CAMK2G: variants seen among roughly 807,000 people sequenced by gnomAD.
CAMK2G encodes the protein calcium/calmodulin dependent protein kinase II gamma.
Under a neutral mutation model 88.7 loss-of-function variants are expected in CAMK2G, and 23 were observed. The observed-to-expected ratio is 0.26, with a 90% confidence interval of 0.19 to 0.37. The LOEUF (loss-of-function observed/expected upper bound fraction) is 0.37, where lower values mean the gene tolerates loss of function less well. Ranked by LOEUF, CAMK2G falls within the 10% of genes least tolerant of loss-of-function variation. CAMK2G has a pLI of 1.00. For missense variants in CAMK2G, 476 were observed against 780.8 expected, an observed-to-expected ratio of 0.61 and a Z score of 4.65; for synonymous variants, 263 against 294.8, an observed-to-expected ratio of 0.89 and a Z score of 1.11.
chr10:73,823,583 T>C (rs1364302063), intron 17 of CAMK2G, among the ~76,000 whole-genome samples: 1 of 152,130 alleles, frequency 6.6e-6, no homozygotes, highest in Non-Finnish European at 1.5e-5. Context: ...AACAGATAAT[T>C]TGTCTTGTCA....
chr10:73,872,218 A>C (rs1443404275), intron 2 of CAMK2G, among the ~76,000 whole-genome samples: 1 of 152,214 alleles, frequency 6.6e-6, no homozygotes, highest in Non-Finnish European at 1.5e-5. Flanking sequence ...TCAAGGTGTG[A>C]AAGACAGGCC....
rs370848605 is a variant in CAMK2G at position 73,815,060 on chromosome 10, A to G, written c.1722T>C (p.Asn574=). Residue 574 remains asparagine (N), a synonymous_variant, in exon 22 of 23, where the codon AAT becomes AAC. Transcript: ENST00000423381. The stretch of plus-strand genomic sequence containing the variant: ...GGGCCCCTGAGCAGTGATAGTGGAC[A>G]TTGAGCCACTTGCCATCCCGACGGT... ...VWHRRDGKWL[N]VHYHCSGAPA... 4.9e-5 allele frequency: 79 copies of G among 1,614,086 alleles called. No homozygotes were observed. The highest frequency in any genetic ancestry group is 4.2e-5 in the Non-Finnish European group (49 of 1,180,008).
At chr10:73,867,264 C>G (rs901189926) in intron 2 of CAMK2G, among the ~76,000 whole-genome samples, 1 of 152,202 alleles carries the variant, frequency 6.6e-6, no homozygotes, top group Non-Finnish European at 1.5e-5. Flanking sequence ...TGCCCTATAG[C>G]GAAAAGGCCC....
At chr10:73,819,724 C>G in intron 18 of CAMK2G, 79 bp from the exon 19 acceptor site, 1 of 858,448 alleles carries the variant, frequency 1.2e-6, no homozygotes, top group Non-Finnish European at 1.8e-6. Context: ...AGCGAGCAAG[C>G]CAGACAGGCC....
In CAMK2G at chr10:73,828,082, G is replaced by A; in HGVS notation, c.1086+7C>T. The A allele has an allele frequency of 1.9e-6, 3 of 1,612,346 alleles. No individual in the cohort carries two copies. The highest frequency in any genetic ancestry group is 2.5e-6 in the Non-Finnish European group (3 of 1,178,366). ...GAGTGGGCGATGGGTGGGCAGGCAA[G>A]GCTCACCATTAGGTGCACGCTGGAA... On this transcript the variant is annotated splice_region_variant and intron_variant, in intron 15 of 22. Transcript: ENST00000423381.
chr10:73,828,643 G>A (rs1421781974), intron 14 of CAMK2G, among the ~76,000 whole-genome samples: 1 of 152,222 alleles, frequency 6.6e-6, no homozygotes, highest in Non-Finnish European at 1.5e-5. Flanking sequence ...ACATAAAGAT[G>A]CTGAGCTTTT....
chr10:73,842,510 C>A lies in CAMK2G; in HGVS notation c.851G>T (p.Arg284Leu). Residue 284 changes from arginine (R) to leucine (L), a missense_variant, in exon 11 of 23, where the codon CGT becomes CTT. Physicochemically the swap from Arg to Leu is moderately radical, Grantham distance 102 (BLOSUM62 -2). This residue lies in a region of CAMK2G where 164 missense variants were observed against 385.6 expected (regional missense o/e 0.43). Transcript: ENST00000423381. This position sits in a 1 kb window ranked among gnomAD's most constrained non-coding sequence, Gnocchi z 4.6. Reference sequence around the variant, plus strand: ...GCGCAAACACTCCACAGTCTCCTGACGATGCATCATGGATGCCACCGTGGA... The same window carrying A: ...GCGCAAACACTCCACAGTCTCCTGAAGATGCATCATGGATGCCACCGTGGA... Reference protein sequence around the residue: ...QRSTVASMMHRQETVECLRKF... With the variant: ...QRSTVASMMHLQETVECLRKF... 1 of 1,613,882 alleles carries A rather than the reference C, an allele frequency of 6.2e-7. No individual in the cohort carries two copies. Among genetic ancestry groups the A allele is most frequent in the Non-Finnish European group, 8.5e-7 (1 of 1,179,784 alleles).
intron 2 of CAMK2G, 42 bp from the exon 3 acceptor site, chr10:73,860,931 T>G (rs936242637): frequency 7.0e-7 from 1 of 1,428,010 alleles, no homozygotes; most frequent in Middle Eastern, 1.7e-4. Flanking sequence ...CAACCATCCA[T>G]TCTCCTTGTG....
intron 3 of CAMK2G, among the ~76,000 whole-genome samples, chr10:73,854,402 A>G (rs1483041565): frequency 6.6e-6 from 1 of 151,340 alleles, no homozygotes; most frequent in Non-Finnish European, 1.5e-5. Context: ...TTAAATGCCA[A>G]CCCCTGAGCA....
At chr10:73,847,886 G>A (rs1590786920) in intron 9 of CAMK2G, 102 bp downstream of exon 9, 1 of 596,022 alleles carries the variant, frequency 1.7e-6, no homozygotes, top group Non-Finnish European at 2.8e-6. Flanking sequence ...TGACACCCCC[G>A]TATCACGTGA....
In CAMK2G at chr10:73,848,962, AAG is replaced by A. The variant is rs1401659639; in HGVS notation, c.517+49_517+50del. On this transcript the variant is annotated intron_variant, in intron 7 of 22. Transcript: ENST00000423381. This position sits in a 1 kb window ranked among gnomAD's most constrained non-coding sequence, Gnocchi z 4.5. Reference sequence around the variant, plus strand: ...TTCTAATAGAGGAAGGCAGATCAGGAAGAGGAGGAAGGGCGGGGGCTGCATTC... The same window carrying A: ...TTCTAATAGAGGAAGGCAGATCAGGAAGGAGGAAGGGCGGGGGCTGCATTC... 2.7e-6 allele frequency: 3 copies of A among 1,129,310 alleles called. No homozygotes were observed. In the African/African-American group the frequency reaches 4.6e-5, roughly 17 times the overall value. The allele number at this position is 1,129,310 out of a possible 1,614,324, so 70.0% of individuals were successfully genotyped here.
At chr10:73,818,814 G>A (rs1329722585) in intron 19 of CAMK2G, 1 of 456,320 alleles carries the variant, frequency 2.2e-6, no homozygotes, top group Non-Finnish European at 4.4e-6. Context: ...CACGGGCGAA[G>A]AGGGTTGTGC....
chr10:73,866,969 CAA>C (rs2095619247), intron 2 of CAMK2G, among the ~76,000 whole-genome samples: 1 of 152,188 alleles, frequency 6.6e-6, no homozygotes, highest in Non-Finnish European at 1.5e-5. Flanking sequence ...TCTAAAGATG[CAA>C]AGAGTCTCCA....
At chr10:73,850,168 G>A (rs935502836) in intron 5 of CAMK2G, among the ~76,000 whole-genome samples, 1 of 152,072 alleles carries the variant, frequency 6.6e-6, no homozygotes, top group African/African-American at 2.4e-5. Flanking sequence ...GCTAATTTTT[G>A]TATTTTTTTG....
intron 14 of CAMK2G, among the ~76,000 whole-genome samples, chr10:73,832,949 C>CT (rs1016526122): frequency 2.8e-5 from 4 of 144,562 alleles, no homozygotes; most frequent in African/African-American, 9.9e-5. Context: ...TGTCTCCAAT[C>CT]TTTTTTTTCT....
At chr10:73,858,855 T>C (rs1215149590) in intron 3 of CAMK2G, among the ~76,000 whole-genome samples, 1 of 152,244 alleles carries the variant, frequency 6.6e-6, no homozygotes, top group Non-Finnish European at 1.5e-5. Context: ...TTGTCCTTCC[T>C]GCTCATTTCT....
intron 22 of CAMK2G, chr10:73,814,714 A>G (rs1304040489): frequency 7.6e-6 from 3 of 395,826 alleles, no homozygotes; most frequent in South Asian, 3.8e-5. Context: ...AATCCTCACA[A>G]TGATTAAATG....
At chr10:73,861,336 A>G (rs563697664) in intron 2 of CAMK2G, among the ~76,000 whole-genome samples, 11 of 152,228 alleles carry the variant, frequency 7.2e-5, no homozygotes, top group African/African-American at 1.9e-4. Context: ...ACAGGGTTTC[A>G]GTGGTCCAGG....
chr10:73,817,735 T>A (rs2086181696), intron 19 of CAMK2G, 181 bp from the exon 20 acceptor site: 1 of 600,872 alleles, frequency 1.7e-6, no homozygotes, highest in Non-Finnish European at 3.0e-6. Context: ...CTCTCTGCAG[T>A]CTGCAGAGAC....
Sources: allele counts gnomAD v4.1 joint callset (sites outside exome capture counted in the v4.1 genomes callset), GRCh38; gene constraint gnomAD v4.1.1; regional missense constraint gnomAD v4.1.1; non-coding constraint Gnocchi (gnomAD v3.1); transcripts MANE v1.5; gene names NCBI Gene and HGNC (gene_info 2026-07-23, HGNC 2026-07-21).